The following SMIM14 variants were observed in gnomAD, a reference collection of about 807,000 sequenced individuals.
SMIM14 encodes the protein chromosome 4 open reading frame 34.
SMIM14 carries 5 observed loss-of-function variants against 12.6 expected under a neutral mutation model. That is an observed-to-expected ratio of 0.40 (90% CI 0.21 to 0.83). The LOEUF (loss-of-function observed/expected upper bound fraction) is 0.83. Ranked by LOEUF, SMIM14 falls within the 40% of genes least tolerant of loss-of-function variation. The pLI is 0.37. For synonymous variants in SMIM14, 30 were observed against 40.1 expected, an observed-to-expected ratio of 0.75 and a Z score of 0.95; for missense variants, 86 against 119.1, an observed-to-expected ratio of 0.72 and a Z score of 1.29.
chr4:39,587,493 CTCAAA>C (rs1560294371), intron 2 of SMIM14, among the ~76,000 whole-genome samples: 1 of 36,152 alleles, frequency 2.8e-5, no homozygotes, highest in East Asian at 1.0e-3. Flanking sequence ...GAGGCTCCAT[CTCAAA>C]AAAAAAAAAA....
In SMIM14 at chr4:39,546,515, A is replaced by T. The variant is rs946828771; in HGVS notation, c.*5611T>A. The T allele has an allele frequency of 2.0e-5, 3 of 152,222 alleles. No individual in the cohort carries two copies. The highest frequency in any genetic ancestry group is 4.4e-5 in the Non-Finnish European group (3 of 68,038). The allele number at this position is 152,222 out of a possible 1,614,324, so 9.4% of individuals were successfully genotyped here. A position where few individuals can be genotyped will look rare whatever the true frequency, so the allele number is the denominator to read the frequency against. On this transcript the variant is annotated 3_prime_UTR_variant, in exon 5 of 5. Coordinates refer to ENST00000295958, the MANE Select transcript of SMIM14 (RefSeq NM_174921.3). ...TGGAGCATCTTTTGGAGGGGGGGGA[A>T]CCCCCAACAACTCTACAAATTGAGA...
chr4:39,595,282 T>C (rs536433492), intron 2 of SMIM14, among the ~76,000 whole-genome samples: 1 of 150,006 alleles, frequency 6.7e-6, no homozygotes, highest in South Asian at 2.1e-4. Context: ...GAAATCATCA[T>C]TCTCAGTAAA....
In SMIM14 at chr4:39,579,882, G is replaced by C. The variant is rs1382161216; in HGVS notation, c.76-7419C>G. On this transcript the variant is annotated intron_variant, in intron 2 of 4. Coordinates refer to ENST00000295958, the MANE Select transcript of SMIM14 (RefSeq NM_174921.3). ...AAGAAAGAAAGCCTTGGCAGTCATG[G>C]GCTTAGGGGGAAATGTAGATCAAAG... 1.5e-4 allele frequency among the ~76,000 whole-genome samples: 22 copies of C among 151,052 alleles called. No homozygotes were observed. The Admixed American group carries it at 1.5e-3, about 10-fold the overall frequency.
intron 1 of SMIM14, among the ~76,000 whole-genome samples, chr4:39,624,869 TC>T (rs1715633127): frequency 6.6e-6 from 1 of 150,678 alleles, no homozygotes; most frequent in African/African-American, 2.4e-5. Flanking sequence ...AATACTTTTC[TC>T]TTAAACTACA....
At chr4:39,631,500 T>C (rs1405004528) in intron 1 of SMIM14, among the ~76,000 whole-genome samples, 2 of 144,134 alleles carry the variant, frequency 1.4e-5, no homozygotes, top group African/African-American at 5.2e-5. Flanking sequence ...CTACTAAAAA[T>C]ACAAAAAAAT....
intron 1 of SMIM14, among the ~76,000 whole-genome samples, chr4:39,608,910 T>C (rs1714913931): frequency 6.6e-6 from 1 of 152,196 alleles, no homozygotes; most frequent in Admixed American, 6.5e-5. Flanking sequence ...CTGAAAAAAC[T>C]GTTCTATGGT....
intron 3 of SMIM14, among the ~76,000 whole-genome samples, chr4:39,567,609 C>T (rs1039696760): frequency 2.0e-5 from 3 of 151,862 alleles, no homozygotes; most frequent in East Asian, 1.9e-4. Flanking sequence ...TGGTGGCAGG[C>T]GCCTATAATC....
At chr4:39,595,118 G>A (rs1446899371) in intron 2 of SMIM14, among the ~76,000 whole-genome samples, 35 of 140,966 alleles carry the variant, frequency 2.5e-4, no homozygotes, top group African/African-American at 8.4e-4. Flanking sequence ...TGTTTATTGC[G>A]GCACTATTCA....
Position 39,547,751 on chromosome 4 carries a change from A to C in SMIM14, c.*4375T>G, listed in dbSNP as rs544592139. Reference sequence around the variant, plus strand: ...GAAAATTTAAGATACTGGTAATTCCATAAACACTCCCACACCACATACCAC... The same window carrying C: ...GAAAATTTAAGATACTGGTAATTCCCTAAACACTCCCACACCACATACCAC... On this transcript the variant is annotated 3_prime_UTR_variant, in exon 5 of 5. Coordinates refer to ENST00000295958, the MANE Select transcript of SMIM14 (RefSeq NM_174921.3). 1 of 152,300 alleles carries C rather than the reference A, an allele frequency of 6.6e-6. No individual in the cohort carries two copies. Among genetic ancestry groups the C allele is most frequent in the East Asian group, 1.9e-4 (1 of 5,188 alleles). 9.4% of individuals were successfully genotyped at this position (152,300 alleles called of 1,614,324 possible).
chr4:39,599,526 T>A (rs1265116357), intron 2 of SMIM14, among the ~76,000 whole-genome samples: 1 of 152,008 alleles, frequency 6.6e-6, no homozygotes, highest in African/African-American at 2.4e-5. Context: ...GAGATGATGG[T>A]AGATTAGACC....
In SMIM14 at chr4:39,561,911, C is replaced by T. The variant is rs546018143; in HGVS notation, c.125-5341G>A. Among the ~76,000 whole-genome samples, 7 of 152,118 alleles carry T rather than the reference C, an allele frequency of 4.6e-5. No individual in the cohort carries two copies. The South Asian group carries it at 6.2e-4, about 14-fold the overall frequency. On this transcript the variant is annotated intron_variant, in intron 3 of 4. Transcript: ENST00000295958. Reference sequence around the variant, plus strand: ...TCGTGCCACTGCACTCCAGCCTGGGCAACATAGTGAGACTCCATCTCAACA... The same window carrying T: ...TCGTGCCACTGCACTCCAGCCTGGGTAACATAGTGAGACTCCATCTCAACA...
At chr4:39,619,840 A>G (rs1392793488) in intron 1 of SMIM14, among the ~76,000 whole-genome samples, 9 of 111,404 alleles carry the variant, frequency 8.1e-5, no homozygotes, top group African/African-American at 2.7e-4. Flanking sequence ...ATATAAATGT[A>G]TATATATATT....
At chr4:39,598,038 A>G (rs1384261699) in intron 2 of SMIM14, among the ~76,000 whole-genome samples, 2 of 152,202 alleles carry the variant, frequency 1.3e-5, no homozygotes, top group African/African-American at 4.8e-5. Context: ...TATAGAGTTC[A>G]GGGTTTCCTT....
intron 1 of SMIM14, among the ~76,000 whole-genome samples, chr4:39,628,192 A>G (rs940360756): frequency 6.6e-6 from 1 of 151,856 alleles, no homozygotes; most frequent in African/African-American, 2.4e-5. Context: ...CTGTACACCC[A>G]GCTACTCTGG....
In SMIM14 at chr4:39,548,403, A is replaced by T. The variant is rs1578300317; in HGVS notation, c.*3723T>A. 1 of 151,442 alleles carries T rather than the reference A, an allele frequency of 6.6e-6. No individual in the cohort carries two copies. The highest frequency in any genetic ancestry group is 1.5e-5 in the Non-Finnish European group (1 of 67,902). The allele number at this position is 151,442 out of a possible 1,614,324, so 9.4% of individuals were successfully genotyped here. A position where few individuals can be genotyped will look rare whatever the true frequency, so the allele number is the denominator to read the frequency against. On this transcript the variant is annotated 3_prime_UTR_variant, in exon 5 of 5. Coordinates refer to ENST00000295958, the MANE Select transcript of SMIM14 (RefSeq NM_174921.3). Reference sequence around the variant, plus strand: ...GAGACAGGGTCTTGCTATGTTGCCCAGGCTAGTCTCAAACTCCTGGGCTCA... The same window carrying T: ...GAGACAGGGTCTTGCTATGTTGCCCTGGCTAGTCTCAAACTCCTGGGCTCA...
chr4:39,559,929 C>T (rs985494765), intron 3 of SMIM14, among the ~76,000 whole-genome samples: 5 of 149,276 alleles, frequency 3.3e-5, no homozygotes, highest in Non-Finnish European at 5.9e-5. Context: ...CCAGCCTGGG[C>T]AACATGACAA....
At chr4:39,636,419 T>C (rs1716093451) in intron 1 of SMIM14, among the ~76,000 whole-genome samples, 2 of 152,186 alleles carry the variant, frequency 1.3e-5, no homozygotes, top group South Asian at 4.1e-4. Context: ...ACACAATGCA[T>C]ATTAATTTCT....
intron 4 of SMIM14, among the ~76,000 whole-genome samples, chr4:39,554,336 G>A (rs1414892544): frequency 6.6e-6 from 1 of 152,176 alleles, no homozygotes; most frequent in East Asian, 1.9e-4. Flanking sequence ...AGCCAGGTGT[G>A]GTGACACACA....
intron 1 of SMIM14, among the ~76,000 whole-genome samples, chr4:39,616,236 A>G (rs1385152306): frequency 6.6e-6 from 1 of 152,192 alleles, no homozygotes; most frequent in African/African-American, 2.4e-5. Context: ...CCTGGGTTCA[A>G]GCAATTCTCC....
Sources: allele counts gnomAD v4.1 joint callset (sites outside exome capture counted in the v4.1 genomes callset), GRCh38; gene constraint gnomAD v4.1.1; transcripts MANE v1.5; gene names NCBI Gene and HGNC (gene_info 2026-07-23, HGNC 2026-07-21).